The following ACOT11 variants were observed in gnomAD, a reference collection of about 807,000 sequenced individuals.
ACOT11 encodes acyl-CoA thioesterase 11, also known as acyl-coenzyme A thioesterase 11.
A neutral mutation model predicts 77.5 loss-of-function variants in ACOT11; 69 were observed. That is an observed-to-expected ratio of 0.89 (90% CI 0.73 to 1.09). ACOT11 has a LOEUF of 1.09. Ranked by LOEUF, ACOT11 falls within the 50% of genes least tolerant of loss-of-function variation. The pLI, the probability that ACOT11 is intolerant of heterozygous loss-of-function variation, is 0.00. For synonymous variants in ACOT11, 279 were observed against 313.0 expected, an observed-to-expected ratio of 0.89 and a Z score of 1.15; for missense variants, 766 against 813.7, an observed-to-expected ratio of 0.94 and a Z score of 0.71.
intron 3 of ACOT11, among the ~76,000 whole-genome samples, chr1:54,589,135 A>G (rs1172775): frequency 0.22 from 33,434 of 151,514 alleles, 6,018 homozygotes; most frequent in African/African-American, 0.46. Flanking sequence ...TCCTGTCTAA[A>G]CCTCCCGAGT....
At chr1:54,581,419 G>A (rs1023243812) in intron 1 of ACOT11, among the ~76,000 whole-genome samples, 66 of 152,278 alleles carry the variant, frequency 4.3e-4, no homozygotes, top group African/African-American at 1.6e-3. Context: ...CCGCAGCTGG[G>A]TGGCCCTGGG....
intron 15 of ACOT11, among the ~76,000 whole-genome samples, chr1:54,626,245 G>A (rs1397848613): frequency 6.6e-6 from 1 of 151,968 alleles, no homozygotes; most frequent in Non-Finnish European, 1.5e-5. Flanking sequence ...CCACCAGCCT[G>A]AGCGACAGAG....
rs755269800 is a variant in ACOT11, at chr1:54,603,985, C to G, written c.1152+48C>G. The G allele has an allele frequency of 1.7e-5, 26 of 1,558,190 alleles. No individual in the cohort carries two copies. The South Asian group carries it at 2.9e-4, about 17-fold the overall frequency. On this transcript the variant is annotated intron_variant, in intron 11 of 15. Coordinates refer to ENST00000343744, the MANE Select transcript of ACOT11 (RefSeq NM_147161.4). Reference sequence around the variant, plus strand: ...GACAGTCTTCAGACCCACCGGGCCCCCACCCTTCCCTGCTTGTCAGAACGG... The same window carrying G: ...GACAGTCTTCAGACCCACCGGGCCCGCACCCTTCCCTGCTTGTCAGAACGG...
At chr1:54,588,763 A>C (rs553511168) in intron 3 of ACOT11, among the ~76,000 whole-genome samples, 2 of 152,134 alleles carry the variant, frequency 1.3e-5, no homozygotes, top group African/African-American at 2.4e-5. Context: ...TTAGGGGTAC[A>C]TGCATGATGG....
intron 1 of ACOT11, among the ~76,000 whole-genome samples, chr1:54,583,610 T>C (rs1158882031): frequency 6.6e-6 from 1 of 152,204 alleles, no homozygotes; most frequent in Non-Finnish European, 1.5e-5. Flanking sequence ...GAGTCACAGC[T>C]GAGCTTTGTC....
At chr1:54,583,214 C>T (rs1654381174) in intron 1 of ACOT11, among the ~76,000 whole-genome samples, 1 of 152,258 alleles carries the variant, frequency 6.6e-6, no homozygotes, top group East Asian at 1.9e-4. Context: ...CTTCCTGCCT[C>T]CCCTTGGTGC....
At chr1:54,611,959 AG>A (rs1644123092), downstream of ACOT11, among the ~76,000 whole-genome samples, 1 of 151,640 alleles carries the variant, frequency 6.6e-6, no homozygotes, top group African/African-American at 2.4e-5. Context: ...CCCAGGAGGG[AG>A]GGGGAGCCTG....
chr1:54,608,658 TGCA>T (rs1402838761), intron 15 of ACOT11, among the ~76,000 whole-genome samples: 3 of 152,098 alleles, frequency 2.0e-5, no homozygotes, highest in African/African-American at 7.2e-5. Flanking sequence ...GCCCTGGAGA[TGCA>T]GCCCCTGCCC....
At chr1:54,625,037 C>T (rs545360115) in intron 15 of ACOT11, among the ~76,000 whole-genome samples, 112 of 152,082 alleles carry the variant, frequency 7.4e-4, no homozygotes, top group Non-Finnish European at 1.1e-3. Context: ...GGTATGCCTA[C>T]AGGGATCCAA....
At chr1:54,555,096 T>A (rs1481214508) in intron 1 of ACOT11, among the ~76,000 whole-genome samples, 1 of 152,140 alleles carries the variant, frequency 6.6e-6, no homozygotes, top group Non-Finnish European at 1.5e-5. Context: ...ATAGCTGGGA[T>A]TACAGACATT....
chr1:54,605,348 G>T, intron 13 of ACOT11, 139 bp downstream of exon 13: 2 of 1,348,680 alleles, frequency 1.5e-6, no homozygotes, highest in South Asian at 1.5e-5. Context: ...TGCTGGGTGG[G>T]GGTTCAGGGT....
At position 54,553,222 on chromosome 1, in the gene ACOT11, T is replaced by A. The variant is rs542460843; in HGVS notation, c.33+4880T>A. 2.6e-3 allele frequency among the ~76,000 whole-genome samples: 393 copies of A among 151,360 alleles called. 1 individual carries two copies. The highest frequency in any genetic ancestry group is 8.4e-3 in the African/African-American group (343 of 40,984). ...GGGAATGATTACCTCATTAAAAAATTTTTTTTTAATGGGCCAGGCATGGTG... is the reference window on the plus strand; with the variant it reads ...GGGAATGATTACCTCATTAAAAAATATTTTTTTAATGGGCCAGGCATGGTG... On this transcript the variant is annotated intron_variant, in intron 1 of 15. Transcript: ENST00000343744.
At chr1:54,616,561 G>A (rs1055666738) in intron 15 of ACOT11, among the ~76,000 whole-genome samples, 9 of 151,858 alleles carry the variant, frequency 5.9e-5, no homozygotes, top group Non-Finnish European at 1.0e-4. Context: ...TAGTGGAGAC[G>A]GGGTTTCACC....
chr1:54,638,808 G>T (rs1424538287), exon 17 of ACOT11: 1 of 152,194 alleles, frequency 6.6e-6, no homozygotes, highest in Non-Finnish European at 1.5e-5. Context: ...GAACCACTGT[G>T]CTCAGCCCAT....
chr1:54,638,495 T>C (rs1644343064), exon 17 of ACOT11: 1 of 152,110 alleles, frequency 6.6e-6, no homozygotes, highest in South Asian at 2.1e-4. Context: ...GTAGCTGGGA[T>C]TACAGATGTG....
At chr1:54,622,923 C>T (rs1644244583) in intron 15 of ACOT11, among the ~76,000 whole-genome samples, 1 of 151,950 alleles carries the variant, frequency 6.6e-6, no homozygotes, top group Admixed American at 6.6e-5. Flanking sequence ...ACCTGTAATC[C>T]CAGCACTTTG....
At chr1:54,571,316 C>T (rs1469250717) in intron 1 of ACOT11, among the ~76,000 whole-genome samples, 4 of 152,204 alleles carry the variant, frequency 2.6e-5, no homozygotes, top group Admixed American at 2.0e-4. Context: ...TTTCAATAAA[C>T]CTTCTTGTAG....
intron 15 of ACOT11, among the ~76,000 whole-genome samples, chr1:54,616,420 G>C (rs1048419136): frequency 1.3e-5 from 2 of 151,768 alleles, no homozygotes; most frequent in Non-Finnish European, 2.9e-5. Flanking sequence ...CTGGAGTGCA[G>C]TGGTGTGATC....
At chr1:54,603,780 C>T (rs1643992314) in intron 10 of ACOT11, 91 bp from the exon 11 acceptor site, 12 of 1,255,630 alleles carry the variant, frequency 9.6e-6, no homozygotes, top group Non-Finnish European at 1.3e-5. Flanking sequence ...GGGCTCAGCA[C>T]AGGGCCTAGC....
Sources: allele counts gnomAD v4.1 joint callset (sites outside exome capture counted in the v4.1 genomes callset), GRCh38; gene constraint gnomAD v4.1.1; transcripts MANE v1.5; gene names NCBI Gene and HGNC (gene_info 2026-07-23, HGNC 2026-07-21).